The following RASGRF1 variants were observed in gnomAD, a reference collection of about 807,000 sequenced individuals.
The protein encoded by RASGRF1 is ras-specific guanine nucleotide-releasing factor 1.
A neutral mutation model predicts 138.7 loss-of-function variants in RASGRF1; 40 were observed. The observed-to-expected ratio is 0.29, with a 90% CI of 0.22 to 0.38. RASGRF1 has a LOEUF of 0.38. Ranked by LOEUF, RASGRF1 falls within the 10% of genes least tolerant of loss-of-function variation. The probability of loss-of-function intolerance (pLI) is 1.00; values close to 1 mark genes in which losing one functional copy is unlikely to be tolerated. For synonymous variants in RASGRF1, 614 were observed against 663.2 expected (o/e 0.93, Z 1.14); for missense variants, 1,108 against 1,650.4 (o/e 0.67, Z 5.69).
At chr15:78,969,311 T>C (rs150231528) in intron 26 of RASGRF1, among the ~76,000 whole-genome samples, 41 of 152,346 alleles carry the variant, frequency 2.7e-4, no homozygotes, top group African/African-American at 9.6e-4. Flanking sequence ...TGGTTCCTCC[T>C]GATTAGATTC....
chr15:79,073,363 G>A lies in RASGRF1; in HGVS notation c.277-8837C>T, dbSNP rs1032529902. Among the ~76,000 whole-genome samples the A allele has an allele frequency of 4.6e-5, 7 of 152,188 alleles. No individual in the cohort carries two copies. Among genetic ancestry groups the A allele is most frequent in the African/African-American group, 9.7e-5 (4 of 41,442 alleles). Reference sequence around the variant, plus strand: ...GGGCTCTTCCCTTAACTGGACTGGAGCCAGGTAGAGCAAGGGCTCCCCAAA... The same window carrying A: ...GGGCTCTTCCCTTAACTGGACTGGAACCAGGTAGAGCAAGGGCTCCCCAAA... On this transcript the variant is annotated intron_variant, in intron 1 of 26. Transcript: ENST00000558480. The surrounding 1 kb of genome is among the most constrained non-coding windows in gnomAD (Gnocchi z 4.2).
intron 20 of RASGRF1, among the ~76,000 whole-genome samples, chr15:78,993,606 G>A (rs1302405883): frequency 6.6e-6 from 1 of 152,104 alleles, no homozygotes; most frequent in Non-Finnish European, 1.5e-5. Flanking sequence ...ACAGGGAGGG[G>A]ACCCTCAGCC....
At position 79,003,990 on chromosome 15, in the gene RASGRF1, A is replaced by G; in HGVS notation, c.2261T>C (p.Leu754Pro). The G allele has an allele frequency of 6.2e-7, 1 of 1,614,148 alleles. No homozygotes were observed. Among genetic ancestry groups the G allele is most frequent in the African/African-American group, 1.3e-5 (1 of 75,046 alleles). ...NIPIITGGKA[L>P]DLAALSCNSN... ...GTTGCAGCTGAGGGCGGCCAGGTCC[A>G]GGGCCTTGCCGCCAGTGATGATGGG... Residue 754 changes from leucine to proline, a missense_variant, in exon 15 of 27, where the codon CTG becomes CCG. Physicochemically the swap from Leu to Pro is moderately conservative, Grantham distance 98. Around this residue, in one of 3 missense-constraint regions of RASGRF1, gnomAD observed 686 missense variants for 976.7 expected, o/e 0.70. Transcript: ENST00000558480.
At position 78,985,107 on chromosome 15, in the gene RASGRF1, C is replaced by T. The variant is rs754670907; in HGVS notation, c.3314G>A (p.Arg1105His). Residue 1105 changes from arginine to histidine, a missense_variant, in exon 23 of 27, where the codon CGC (arginine) becomes CAC (histidine). By Grantham distance (29) the Arg-to-His change is conservative. Coordinates refer to ENST00000558480, the MANE Select transcript of RASGRF1 (RefSeq NM_001145648.3). ...TACGGCATTGTAGTTGTGGAGGCAG[C>T]GGCATATGTCAGCTACGGCCACCCA... ...EKWVAVADIC[R>H]CLHNYNAVLE... 11 of 1,613,308 alleles carry T rather than the reference C, an allele frequency of 6.8e-6. No individual in the cohort carries two copies. The highest frequency in any genetic ancestry group is 2.2e-5 in the East Asian group (1 of 44,870).
Position 79,072,267 on chromosome 15 carries a change from CTTTTTTTTTTTT to C in RASGRF1, c.277-7753_277-7742del, listed in dbSNP as rs758415767. ...TTTCTGGGAGTTCTTGATAAACAATCTTTTTTTTTTTTTTTTTTTTTTTTTTGAGACGCAGTC... is the reference window on the plus strand; with the variant it reads ...TTTCTGGGAGTTCTTGATAAACAATCTTTTTTTTTTTTTTGAGACGCAGTC... On this transcript the variant is annotated intron_variant, in intron 1 of 26. Transcript: ENST00000558480. Among the ~76,000 whole-genome samples the C allele has an allele frequency of 1.8e-4, 11 of 61,582 alleles. 1 individual carries two copies. The highest frequency in any genetic ancestry group is 2.9e-4 in the Admixed American group (1 of 3,472). 40.4% of individuals were successfully genotyped at this position (61,582 alleles called of 152,430 possible).
At chr15:79,043,393 T>G (rs1382689944) in intron 5 of RASGRF1, among the ~76,000 whole-genome samples, 1 of 152,208 alleles carries the variant, frequency 6.6e-6, no homozygotes, top group Non-Finnish European at 1.5e-5. Flanking sequence ...TATTTGATTT[T>G]GATTTCTTGC....
At chr15:78,967,944 T>C (rs1333235286) in intron 26 of RASGRF1, among the ~76,000 whole-genome samples, 15 of 152,220 alleles carry the variant, frequency 9.9e-5, no homozygotes, top group Admixed American at 9.8e-4. Flanking sequence ...TTAGCTGATG[T>C]ACAGACCAGA....
chr15:79,070,661 C>A (rs1282554390), intron 1 of RASGRF1, among the ~76,000 whole-genome samples: 1 of 152,200 alleles, frequency 6.6e-6, no homozygotes, highest in Non-Finnish European at 1.5e-5. Flanking sequence ...GAGTCCCTTC[C>A]TTGCATGATT....
chr15:79,025,178 G>A (rs535943842), intron 10 of RASGRF1, 136 bp downstream of exon 10: 1 of 998,982 alleles, frequency 1.0e-6, no homozygotes, highest in African/African-American at 1.6e-5. Context: ...TGGGTTGTGT[G>A]TATATCTGTG....
Position 79,027,639 on chromosome 15 carries a change from T to A in RASGRF1, c.1381+102A>T. On this transcript the variant is annotated intron_variant, in intron 9 of 26. Coordinates refer to ENST00000558480, the MANE Select transcript of RASGRF1 (RefSeq NM_001145648.3). The surrounding 1 kb of genome is among the most constrained non-coding windows in gnomAD (Gnocchi z 4.8). ...GCAATCACATTGGCAGGTCTTGGCA[T>A]GTGGCAGCCAAACCAACTGGTGGCG... The A allele has an allele frequency of 1.0e-6, 1 of 997,392 alleles. No individual in the cohort carries two copies. 61.8% of individuals were successfully genotyped at this position (997,392 alleles called of 1,614,324 possible).
chr15:79,031,582 G>T, intron 7 of RASGRF1, 73 bp from the exon 8 acceptor site: 1 of 715,942 alleles, frequency 1.4e-6, no homozygotes, highest in African/African-American at 1.8e-5. Context: ...GGCAGGGGCA[G>T]ACAGGGAGTG....
Position 79,090,326 on chromosome 15 carries a change from G to A in RASGRF1, c.173C>T (p.Ser58Leu). ...QNLLFYFESD[S>L]SSRPSGLYLL... ...GTAAAGCCCCGAGGGCCGCGAGCTC[G>A]AGTCGCTCTCGAAGTAGAAGAGCAG... Residue 58 changes from serine (S) to leucine (L), a missense_variant, in exon 1 of 27, where the codon TCG becomes TTG. Coordinates refer to ENST00000558480, the MANE Select transcript of RASGRF1 (RefSeq NM_001145648.3). The A allele has an allele frequency of 1.2e-6, 2 of 1,613,924 alleles. No homozygotes were observed. Among genetic ancestry groups the A allele is most frequent in the Non-Finnish European group, 1.7e-6 (2 of 1,179,960 alleles).
chr15:78,966,653 C>T (rs1356415725), intron 26 of RASGRF1, among the ~76,000 whole-genome samples: 1 of 151,506 alleles, frequency 6.6e-6, no homozygotes, highest in Non-Finnish European at 1.5e-5. Context: ...TTAAAAAAGC[C>T]AAGTAGCATT....
chr15:79,021,770 G>T (rs894822833), intron 10 of RASGRF1, among the ~76,000 whole-genome samples: 3 of 152,138 alleles, frequency 2.0e-5, no homozygotes, highest in Non-Finnish European at 4.4e-5. Flanking sequence ...ATATAAAATG[G>T]GGAAAATGGT....
At chr15:79,087,096 C>G (rs1341561897) in intron 1 of RASGRF1, among the ~76,000 whole-genome samples, 1 of 152,204 alleles carries the variant, frequency 6.6e-6, no homozygotes, top group Admixed American at 6.5e-5. Context: ...CAGAGGCAGT[C>G]AGACTGGTCT....
chr15:79,080,517 T>C (rs949283201), intron 1 of RASGRF1, among the ~76,000 whole-genome samples: 4 of 152,352 alleles, frequency 2.6e-5, no homozygotes, highest in Middle Eastern at 3.4e-3. Flanking sequence ...ATTTCACTCA[T>C]ATAGTCTCAC....
In RASGRF1 at chr15:79,068,711, T is replaced by G. The variant is rs143171701; in HGVS notation, c.277-4185A>C. Among the ~76,000 whole-genome samples, 979 of 152,158 alleles carry G rather than the reference T, an allele frequency of 6.4e-3. 16 individuals are homozygous for G. The highest frequency in any genetic ancestry group is 0.023 in the African/African-American group (935 of 41,520). On this transcript the variant is annotated intron_variant, in intron 1 of 26. Transcript: ENST00000558480. ...TGTGTGTGGATGTGTTTTGGGTCTTTCCCTGCACTTCTGGATAGGCCTTGG... is the reference window on the plus strand; with the variant it reads ...TGTGTGTGGATGTGTTTTGGGTCTTGCCCTGCACTTCTGGATAGGCCTTGG...
Position 79,073,610 on chromosome 15 carries a change from G to A in RASGRF1, c.277-9084C>T, listed in dbSNP as rs2057790833. Among the ~76,000 whole-genome samples, 1 of 152,130 alleles carries A rather than the reference G, an allele frequency of 6.6e-6. No homozygotes were observed. Among genetic ancestry groups the A allele is most frequent in the African/African-American group, 2.4e-5 (1 of 41,418 alleles). On this transcript the variant is annotated intron_variant, in intron 1 of 26. Transcript: ENST00000558480. This position sits in a 1 kb window ranked among gnomAD's most constrained non-coding sequence, Gnocchi z 4.2. The stretch of plus-strand genomic sequence containing the variant: ...GTGCCGCTGAGTTGCACTGAGGGTG[G>A]GAAGCTAGAGGTGGCGTGTCAGGCT...
chr15:79,079,898 C>T (rs1403454194), intron 1 of RASGRF1, among the ~76,000 whole-genome samples: 1 of 152,226 alleles, frequency 6.6e-6, no homozygotes, highest in East Asian at 1.9e-4. Context: ...GACACCAGGA[C>T]ACACCTCCCT....
Sources: allele counts gnomAD v4.1 joint callset (sites outside exome capture counted in the v4.1 genomes callset), GRCh38; gene constraint gnomAD v4.1.1; regional missense constraint gnomAD v4.1.1; non-coding constraint Gnocchi (gnomAD v3.1); transcripts MANE v1.5; gene names NCBI Gene and HGNC (gene_info 2026-07-23, HGNC 2026-07-21).